Variants in THSD7B observed in about 807,000 individuals in gnomAD.
The protein encoded by THSD7B is thrombospondin type-1 domain-containing protein 7B.
A neutral mutation model predicts 213.6 loss-of-function variants in THSD7B; 138 were observed. The observed-to-expected ratio is 0.65, with a 90% confidence interval of 0.56 to 0.74. The LOEUF is 0.74. Ranked by LOEUF, THSD7B falls within the 30% of genes least tolerant of loss-of-function variation. The probability of loss-of-function intolerance (pLI) is 0.00; values close to 1 mark genes in which losing one functional copy is unlikely to be tolerated. For missense variants in THSD7B, 1,931 were observed against 1,991.5 expected, an observed-to-expected ratio of 0.97 and a Z score of 0.58; for synonymous variants, 742 against 687.0, an observed-to-expected ratio of 1.08 and a Z score of -1.25.
At chr2:137,522,903 G>T (rs1396009556) in intron 15 of THSD7B, among the ~76,000 whole-genome samples, 1 of 152,202 alleles carries the variant, frequency 6.6e-6, no homozygotes, top group Non-Finnish European at 1.5e-5. Flanking sequence ...TTGTTTACCT[G>T]CCTGATGGCA....
At chr2:137,261,885 A>G (rs1454338215) in intron 10 of THSD7B, among the ~76,000 whole-genome samples, 2 of 150,826 alleles carry the variant, frequency 1.3e-5, no homozygotes, top group Non-Finnish European at 2.9e-5. Context: ...ATATAGACCC[A>G]TCATGGAAAG....
At chr2:137,505,159 G>C (rs966472201) in intron 15 of THSD7B, among the ~76,000 whole-genome samples, 18 of 152,196 alleles carry the variant, frequency 1.2e-4, no homozygotes, top group African/African-American at 4.3e-4. Context: ...CCAAGAAGGG[G>C]CCTGCTTTGT....
At chr2:137,501,182 G>T (rs913248982) in intron 15 of THSD7B, among the ~76,000 whole-genome samples, 1 of 151,464 alleles carries the variant, frequency 6.6e-6, no homozygotes, top group Non-Finnish European at 1.5e-5. Flanking sequence ...CACTGCATCT[G>T]CCCCTTTTGG....
chr2:137,386,225 T>C (rs1053750112), intron 12 of THSD7B, among the ~76,000 whole-genome samples: 2 of 152,230 alleles, frequency 1.3e-5, no homozygotes, highest in African/African-American at 4.8e-5. Flanking sequence ...GACTGGCTGA[T>C]GCTCGGGGTC....
At chr2:136,845,726 G>A (rs912827323) in intron 1 of THSD7B, among the ~76,000 whole-genome samples, 3 of 152,120 alleles carry the variant, frequency 2.0e-5, no homozygotes, top group Admixed American at 6.5e-5. Context: ...GAGGAGTGGC[G>A]GTAGTATACT....
At chr2:137,496,654 T>A (rs1386967960) in intron 15 of THSD7B, among the ~76,000 whole-genome samples, 1 of 152,222 alleles carries the variant, frequency 6.6e-6, no homozygotes, top group Non-Finnish European at 1.5e-5. Flanking sequence ...TTTGGCAGCA[T>A]AAATCTCTGA....
At chr2:136,937,123 C>A (rs1426378538) in intron 2 of THSD7B, among the ~76,000 whole-genome samples, 3 of 152,074 alleles carry the variant, frequency 2.0e-5, no homozygotes, top group Non-Finnish European at 4.4e-5. Flanking sequence ...CATTCTCCTG[C>A]ACCCCCAGCC....
intron 12 of THSD7B, among the ~76,000 whole-genome samples, chr2:137,305,839 G>T (rs1683728655): frequency 6.6e-6 from 1 of 152,046 alleles, no homozygotes; most frequent in Non-Finnish European, 1.5e-5. Context: ...ATCTAGATAG[G>T]ATAGCCTACT....
intron 15 of THSD7B, among the ~76,000 whole-genome samples, chr2:137,529,655 A>C (rs1680358784): frequency 6.6e-6 from 1 of 151,800 alleles, no homozygotes; most frequent in Non-Finnish European, 1.5e-5. Context: ...GACCATAGAA[A>C]ACTTCAGAAA....
intron 12 of THSD7B, among the ~76,000 whole-genome samples, chr2:137,384,415 G>C (rs1685846369): frequency 6.6e-6 from 1 of 152,178 alleles, no homozygotes. Flanking sequence ...AGGAGGGAGA[G>C]AGATGTAATT....
At chr2:137,656,480 C>T (rs1301871462) in intron 22 of THSD7B, among the ~76,000 whole-genome samples, 1 of 152,036 alleles carries the variant, frequency 6.6e-6, no homozygotes. Flanking sequence ...ACTGAGTTAC[C>T]ATAATCTTTA....
intron 15 of THSD7B, among the ~76,000 whole-genome samples, chr2:137,485,226 A>G (rs1454840770): frequency 1.0e-4 from 14 of 138,004 alleles, no homozygotes; most frequent in Admixed American, 9.1e-4. Flanking sequence ...ATCCAGTTTC[A>G]GCTTTCTACA....
chr2:137,026,167 T>C (rs994083517), intron 2 of THSD7B, among the ~76,000 whole-genome samples: 4 of 152,100 alleles, frequency 2.6e-5, no homozygotes, highest in African/African-American at 9.7e-5. Flanking sequence ...TCAGAGAAGG[T>C]AAGATTGAGA....
At chr2:137,521,863 G>T (rs1244160368) in intron 15 of THSD7B, among the ~76,000 whole-genome samples, 1 of 151,704 alleles carries the variant, frequency 6.6e-6, no homozygotes, top group East Asian at 1.9e-4. Flanking sequence ...GACTGTGCTG[G>T]CATGCATCCC....
chr2:137,557,956 A>T (rs1681016799), intron 15 of THSD7B, among the ~76,000 whole-genome samples: 1 of 152,230 alleles, frequency 6.6e-6, no homozygotes, highest in Non-Finnish European at 1.5e-5. Flanking sequence ...TAAACTAGAA[A>T]ATCTAGAAGA....
At chr2:137,439,872 G>T (rs1157272082) in intron 14 of THSD7B, among the ~76,000 whole-genome samples, 2 of 151,916 alleles carry the variant, frequency 1.3e-5, no homozygotes, top group African/African-American at 4.8e-5. Context: ...ACAAATCATT[G>T]TCTGGATAAC....
intron 7 of THSD7B, among the ~76,000 whole-genome samples, chr2:137,211,152 A>G (rs1320402361): frequency 6.6e-6 from 1 of 151,852 alleles, no homozygotes; most frequent in Non-Finnish European, 1.5e-5. Flanking sequence ...AATATCTTTC[A>G]CTTTGGCTTC....
At chr2:137,654,388 G>C (rs538234931) in intron 21 of THSD7B, among the ~76,000 whole-genome samples, 1 of 152,304 alleles carries the variant, frequency 6.6e-6, no homozygotes, top group East Asian at 1.9e-4. Context: ...GAGGATAGTA[G>C]TCATCCCTCC....
intron 2 of THSD7B, among the ~76,000 whole-genome samples, chr2:136,959,602 AT>A (rs1274026145): frequency 6.6e-6 from 1 of 152,124 alleles, no homozygotes; most frequent in East Asian, 1.9e-4. Flanking sequence ...TTCCTTGTTG[AT>A]TTTTTAGAAG....
Sources: allele counts gnomAD v4.1 joint callset (sites outside exome capture counted in the v4.1 genomes callset), GRCh38; gene constraint gnomAD v4.1.1; transcripts MANE v1.5; gene names NCBI Gene and HGNC (gene_info 2026-07-23, HGNC 2026-07-21).